PTPRO: variants seen among roughly 807,000 people sequenced by gnomAD.
The protein encoded by PTPRO is protein tyrosine phosphatase receptor type O, also known as receptor-type tyrosine-protein phosphatase O.
Under a neutral mutation model 145.2 loss-of-function variants are expected in PTPRO, and 62 were observed. The ratio of observed to expected loss-of-function variants is 0.43; its 90% confidence interval spans 0.35 to 0.53. The LOEUF is 0.53. PTPRO is among the 20% of genes least tolerant of loss of function. The probability of loss-of-function intolerance (pLI) is 0.01; values close to 1 mark genes in which losing one functional copy is unlikely to be tolerated. For missense variants in PTPRO, 1,345 were observed against 1,482.7 expected (o/e 0.91, Z 1.53); for synonymous variants, 565 against 514.7 (o/e 1.10, Z -1.32).
At chr12:15,587,601 G>A (rs1434409500) in intron 24 of PTPRO, among the ~76,000 whole-genome samples, 1 of 152,190 alleles carries the variant, frequency 6.6e-6, no homozygotes, top group African/African-American at 2.4e-5. Context: ...TTGTCAGACA[G>A]TAGAATGAAA....
At chr12:15,553,845 G>A (rs922803674) in intron 15 of PTPRO, among the ~76,000 whole-genome samples, 3 of 152,168 alleles carry the variant, frequency 2.0e-5, no homozygotes, top group Non-Finnish European at 4.4e-5. Flanking sequence ...GCAGAGAGAA[G>A]CCATCAGATT....
intron 1 of PTPRO, among the ~76,000 whole-genome samples, chr12:15,466,670 G>T (rs1941424463): frequency 6.6e-6 from 1 of 152,138 alleles, no homozygotes; most frequent in South Asian, 2.1e-4. Context: ...ACCTTGTGAT[G>T]TTGGTGTCCT....
chr12:15,579,663 C>T (rs1330275297), intron 20 of PTPRO, among the ~76,000 whole-genome samples: 1 of 152,174 alleles, frequency 6.6e-6, no homozygotes, highest in Non-Finnish European at 1.5e-5. Flanking sequence ...CTCTAGGTCT[C>T]CTTAAAGTAG....
chr12:15,403,558 G>A (rs1939561537), intron 1 of PTPRO, among the ~76,000 whole-genome samples: 1 of 152,176 alleles, frequency 6.6e-6, no homozygotes, highest in Non-Finnish European at 1.5e-5. Context: ...ACTCCAGCCT[G>A]GGTGAGAGAG....
chr12:15,430,219 G>A (rs1027520629), intron 1 of PTPRO, among the ~76,000 whole-genome samples: 2 of 151,728 alleles, frequency 1.3e-5, no homozygotes, highest in East Asian at 3.9e-4. Context: ...GAGATAGCAG[G>A]CAGAGAGATG....
At chr12:15,546,212 A>AAT in intron 12 of PTPRO, 6 of 520,626 alleles carry the variant, frequency 1.2e-5, no homozygotes, top group Non-Finnish European at 1.5e-5. Flanking sequence ...CACCTTTATT[A>AAT]AGTGCAGATT....
chr12:15,402,667 A>G (rs1366483453), intron 1 of PTPRO, among the ~76,000 whole-genome samples: 5 of 152,190 alleles, frequency 3.3e-5, no homozygotes, highest in African/African-American at 1.2e-4. Flanking sequence ...TAAATTCTAC[A>G]TAATCAGGGT....
chr12:15,535,351 C>T (rs908088883), intron 12 of PTPRO, among the ~76,000 whole-genome samples: 1 of 151,974 alleles, frequency 6.6e-6, no homozygotes, highest in Non-Finnish European at 1.5e-5. Context: ...GCCACCCCAG[C>T]AGTTAGAAAT....
chr12:15,460,186 A>G (rs1941270437), intron 1 of PTPRO, among the ~76,000 whole-genome samples: 1 of 152,186 alleles, frequency 6.6e-6, no homozygotes, highest in Non-Finnish European at 1.5e-5. Flanking sequence ...TTGCTGGTGG[A>G]ACTATTTATG....
intron 15 of PTPRO, among the ~76,000 whole-genome samples, chr12:15,554,481 T>C (rs1053467263): frequency 6.6e-6 from 1 of 152,026 alleles, no homozygotes; most frequent in Non-Finnish European, 1.5e-5. Flanking sequence ...TTATTAAGTA[T>C]TAACTTCCAC....
intron 8 of PTPRO, among the ~76,000 whole-genome samples, chr12:15,516,382 C>T (rs77657724): frequency 5.1e-4 from 50 of 97,116 alleles, no homozygotes; most frequent in Non-Finnish European, 8.0e-4. Flanking sequence ...AAAGAACGAA[C>T]GAAAGAGAGA....
chr12:15,508,775 A>G lies in PTPRO; in HGVS notation c.1464+8A>G. 1 of 1,613,620 alleles carries G rather than the reference A, an allele frequency of 6.2e-7. No homozygotes were observed. Among genetic ancestry groups the G allele is most frequent in the Non-Finnish European group, 8.5e-7 (1 of 1,179,734 alleles). ...AAGCAGTACTGCACTCAGGTAAAGG[A>G]GAGGAAATGAGAATGGGCTCGCCGG... On this transcript the variant is annotated splice_region_variant and intron_variant, in intron 7 of 26. Coordinates refer to ENST00000281171, the MANE Select transcript of PTPRO (RefSeq NM_030667.3).
chr12:15,333,092 C>T (rs568603247), intron 1 of PTPRO, among the ~76,000 whole-genome samples: 1 of 152,186 alleles, frequency 6.6e-6, no homozygotes, highest in African/African-American at 2.4e-5. Context: ...TTATTCTTCC[C>T]GAGGGTGTTC....
intron 19 of PTPRO, among the ~76,000 whole-genome samples, chr12:15,578,261 T>C (rs181951238): frequency 2.6e-5 from 4 of 152,330 alleles, no homozygotes; most frequent in Non-Finnish European, 2.9e-5. Flanking sequence ...GAAATATTTA[T>C]ACAAATTGCA....
rs1007683008 is a variant in PTPRO at position 15,461,501 on chromosome 12, G to A, written c.76-22473G>A. 2.7e-5 allele frequency among the ~76,000 whole-genome samples: 4 copies of A among 147,054 alleles called. No homozygotes were observed. In the East Asian group the frequency reaches 8.2e-4, roughly 30 times the overall value. Reference sequence around the variant, plus strand: ...TATTTTACAGAGTGTGACTCTTTTTGTCAACATCTTCATCTCCTCCCCCAC... The same window carrying A: ...TATTTTACAGAGTGTGACTCTTTTTATCAACATCTTCATCTCCTCCCCCAC... On this transcript the variant is annotated intron_variant, in intron 1 of 26. Coordinates refer to ENST00000281171, the MANE Select transcript of PTPRO (RefSeq NM_030667.3).
chr12:15,511,846 G>A (rs770854849), intron 7 of PTPRO, among the ~76,000 whole-genome samples: 1 of 152,132 alleles, frequency 6.6e-6, no homozygotes, highest in Non-Finnish European at 1.5e-5. Flanking sequence ...TTACAGGCGT[G>A]AGCCACCGTG....
intron 12 of PTPRO, chr12:15,546,227 T>A: frequency 1.4e-6 from 1 of 731,718 alleles, no homozygotes; most frequent in Non-Finnish European, 1.7e-6. Context: ...CAGATTTTTG[T>A]TTCTCATCCA....
At chr12:15,407,022 T>C (rs1939665920) in intron 1 of PTPRO, among the ~76,000 whole-genome samples, 1 of 152,142 alleles carries the variant, frequency 6.6e-6, no homozygotes, top group South Asian at 2.1e-4. Flanking sequence ...GTACATAAAG[T>C]GTGTTTCTGT....
At chr12:15,444,032 T>C (rs1940838695) in intron 1 of PTPRO, among the ~76,000 whole-genome samples, 1 of 151,744 alleles carries the variant, frequency 6.6e-6, no homozygotes, top group Non-Finnish European at 1.5e-5. Context: ...ACACATGTAC[T>C]CACATGTTCA....
Sources: gnomAD v4.1 joint callset for allele counts (sites outside exome capture counted in the v4.1 genomes callset) on GRCh38, gnomAD v4.1.1 for gene constraint, MANE v1.5 for transcripts, NCBI Gene and HGNC (gene_info 2026-07-23, HGNC 2026-07-21) for gene names.